Variants in NEK11 observed in about 807,000 individuals in gnomAD.
NEK11 encodes the protein serine/threonine-protein kinase Nek11.
Under a neutral mutation model 80.7 loss-of-function variants are expected in NEK11, and 72 were observed. The ratio of observed to expected loss-of-function variants is 0.89; its 90% CI spans 0.74 to 1.08. The LOEUF is 1.08. Among genes scored for constraint, NEK11 ranks in the 50% least tolerant of loss-of-function variants. The probability of loss-of-function intolerance (pLI) is 0.00; values close to 1 mark genes in which losing one functional copy is unlikely to be tolerated. For synonymous variants in NEK11, 251 were observed against 260.7 expected, an observed-to-expected ratio of 0.96 and a Z score of 0.36; for missense variants, 764 against 763.6, an observed-to-expected ratio of 1.00 and a Z score of -0.01.
At chr3:131,102,804 A>T (rs535786715) in intron 4 of NEK11, among the ~76,000 whole-genome samples, 1 of 152,186 alleles carries the variant, frequency 6.6e-6, no homozygotes, top group African/African-American at 2.4e-5. Context: ...CAGGAATACC[A>T]TTGAGTCATA....
chr3:131,220,369 G>A (rs988144093), intron 14 of NEK11, among the ~76,000 whole-genome samples: 11 of 96,770 alleles, frequency 1.1e-4, no homozygotes, highest in Non-Finnish European at 2.4e-4. Context: ...AAATGAATTT[G>A]AGCAGTTTTT....
intron 17 of NEK11, among the ~76,000 whole-genome samples, chr3:131,304,879 G>T (rs1347751202): frequency 6.6e-6 from 1 of 152,156 alleles, no homozygotes. Flanking sequence ...TAGTCATGGG[G>T]TATACATGTG....
At chr3:131,219,763 C>T (rs2094958672) in intron 14 of NEK11, among the ~76,000 whole-genome samples, 1 of 152,054 alleles carries the variant, frequency 6.6e-6, no homozygotes, top group Admixed American at 6.5e-5. Context: ...GTGGTATCTT[C>T]TCATTACAGC....
chr3:131,264,417 A>T lies in NEK11; in HGVS notation c.1622-9061A>T, dbSNP rs1023726300. On this transcript the variant is annotated intron_variant, in intron 16 of 17. Coordinates refer to ENST00000383366, the MANE Select transcript of NEK11 (RefSeq NM_024800.5). The stretch of plus-strand genomic sequence containing the variant: ...AGGTGTAAGGAAGGGATCCAGTTTC[A>T]TCTTTCTGCATATGGCTAGCCAGTT... Among the ~76,000 whole-genome samples, 9 of 152,328 alleles carry T rather than the reference A, an allele frequency of 5.9e-5. No individual in the cohort carries two copies. In the South Asian group the frequency reaches 1.7e-3, roughly 28 times the overall value.
At chr3:131,064,705 T>C (rs1383079053) in intron 3 of NEK11, among the ~76,000 whole-genome samples, 1 of 152,170 alleles carries the variant, frequency 6.6e-6, no homozygotes, top group Non-Finnish European at 1.5e-5. Flanking sequence ...AAAGAGTGAA[T>C]TTAATGGTAC....
intron 14 of NEK11, among the ~76,000 whole-genome samples, chr3:131,214,309 C>G (rs1422565484): frequency 1.3e-5 from 2 of 152,184 alleles, no homozygotes; most frequent in African/African-American, 2.4e-5. Flanking sequence ...TCCCATTCTA[C>G]ACGTAAGACA....
At chr3:131,286,042 T>C (rs1329753147) in intron 17 of NEK11, among the ~76,000 whole-genome samples, 2 of 152,246 alleles carry the variant, frequency 1.3e-5, no homozygotes, top group African/African-American at 2.4e-5. Context: ...TATTAAGTGG[T>C]CACCCAATAA....
At chr3:131,224,988 A>G (rs2095146777) in intron 14 of NEK11, among the ~76,000 whole-genome samples, 2 of 152,148 alleles carry the variant, frequency 1.3e-5, no homozygotes, top group Admixed American at 1.3e-4. Flanking sequence ...AAGGGAAAAC[A>G]TTTTTTATAA....
intron 3 of NEK11, among the ~76,000 whole-genome samples, chr3:131,033,354 A>G (rs1273168496): frequency 6.6e-6 from 1 of 152,206 alleles, no homozygotes; most frequent in Non-Finnish European, 1.5e-5. Flanking sequence ...GAAGATGAAT[A>G]CTTTATACAG....
intron 10 of NEK11, among the ~76,000 whole-genome samples, chr3:131,158,355 C>T (rs1183928509): frequency 2.0e-5 from 3 of 152,138 alleles, no homozygotes; most frequent in African/African-American, 4.8e-5. Context: ...GCCCTGCCAG[C>T]GTGCATGTGC....
chr3:131,283,280 A>G (rs1393785486), intron 17 of NEK11, among the ~76,000 whole-genome samples: 2 of 152,194 alleles, frequency 1.3e-5, no homozygotes, highest in East Asian at 1.9e-4. Flanking sequence ...TGTACCTGGC[A>G]TCATGCTCTG....
At chr3:131,243,024 T>G (rs1262301336) in intron 15 of NEK11, among the ~76,000 whole-genome samples, 1 of 152,138 alleles carries the variant, frequency 6.6e-6, no homozygotes, top group African/African-American at 2.4e-5. Flanking sequence ...TGCATTAGAT[T>G]TCTGCTGTAT....
intron 3 of NEK11, among the ~76,000 whole-genome samples, chr3:131,044,168 C>T (rs752682234): frequency 7.2e-5 from 11 of 152,082 alleles, no homozygotes; most frequent in Admixed American, 2.0e-4. Context: ...AGACCATCAA[C>T]ACTATGGAGA....
Position 131,102,533 on chromosome 3 carries a change from G to A in NEK11, c.337-7270G>A, listed in dbSNP as rs115906736. ...ATCTCTTCTGGCTTGTAAGGTTTCC[G>A]CTGAGAGGTTTGCTGCTAGCCTGAT... On this transcript the variant is annotated intron_variant, in intron 4 of 17. Coordinates refer to ENST00000383366, the MANE Select transcript of NEK11 (RefSeq NM_024800.5). 2.0e-3 allele frequency among the ~76,000 whole-genome samples: 312 copies of A among 152,252 alleles called. 1 individual carries two copies. The highest frequency in any genetic ancestry group is 7.0e-3 in the African/African-American group (290 of 41,546).
intron 5 of NEK11, among the ~76,000 whole-genome samples, chr3:131,120,159 T>TACAA (rs2082118000): frequency 6.6e-6 from 1 of 152,248 alleles, no homozygotes; most frequent in Admixed American, 6.5e-5. Flanking sequence ...CAGGAGGTCT[T>TACAA]GTAAGGTAGA....
Position 131,114,865 on chromosome 3 carries a change from A to G in NEK11, c.455+4944A>G, listed in dbSNP as rs185080286. Among the ~76,000 whole-genome samples, 547 of 152,376 alleles carry G rather than the reference A, an allele frequency of 3.6e-3. 2 individuals carry two copies. Among genetic ancestry groups the G allele is most frequent in the Admixed American group, 7.4e-3 (113 of 15,304 alleles). ...TATATTAAAGTATATTTTGAAAATTACATAAATTGGCTTACATATGAGTTA... is the reference window on the plus strand; with the variant it reads ...TATATTAAAGTATATTTTGAAAATTGCATAAATTGGCTTACATATGAGTTA... On this transcript the variant is annotated intron_variant, in intron 5 of 17. Coordinates refer to ENST00000383366, the MANE Select transcript of NEK11 (RefSeq NM_024800.5).
At chr3:131,126,809 G>T (rs1202459186) in intron 5 of NEK11, among the ~76,000 whole-genome samples, 1 of 151,864 alleles carries the variant, frequency 6.6e-6, no homozygotes, top group Non-Finnish European at 1.5e-5. Context: ...CTTTTACAAT[G>T]CTTAAAGATG....
chr3:131,148,031 C>T (rs975306114), intron 7 of NEK11, among the ~76,000 whole-genome samples: 2 of 151,662 alleles, frequency 1.3e-5, no homozygotes, highest in Admixed American at 1.3e-4. Context: ...AGGAAGTTCC[C>T]TCCTATATCT....
At chr3:131,056,431 A>G (rs967799116) in intron 3 of NEK11, among the ~76,000 whole-genome samples, 6 of 152,142 alleles carry the variant, frequency 3.9e-5, no homozygotes, top group African/African-American at 1.4e-4. Context: ...TTTTTCCCTT[A>G]TCATGGTTAG....
Sources: gnomAD v4.1 joint callset for allele counts (sites outside exome capture counted in the v4.1 genomes callset) on GRCh38, gnomAD v4.1.1 for gene constraint, MANE v1.5 for transcripts, NCBI Gene and HGNC (gene_info 2026-07-23, HGNC 2026-07-21) for gene names.